The following HSPA12A variants were observed in gnomAD, a reference collection of about 807,000 sequenced individuals.
HSPA12A encodes heat shock 70 kDa protein 12A.
HSPA12A carries 28 observed loss-of-function variants against 69.2 expected under a neutral mutation model. That is an observed-to-expected ratio of 0.40 (90% CI 0.30 to 0.55). The LOEUF is 0.55. Among genes scored for constraint, HSPA12A ranks in the 20% least tolerant of loss-of-function variants. HSPA12A has a pLI of 0.38. For synonymous variants in HSPA12A, 345 were observed against 370.5 expected (o/e 0.93, Z 0.79); for missense variants, 686 against 900.7 (o/e 0.76, Z 3.05).
chr10:116,804,042 C>A (rs1589716365), intron 2 of HSPA12A, among the ~76,000 whole-genome samples: 2 of 152,142 alleles, frequency 1.3e-5, no homozygotes, highest in Admixed American at 1.3e-4. Flanking sequence ...TCACAAATCA[C>A]GCACTGTCTT....
chr10:116,813,943 A>C (rs909126430), intron 2 of HSPA12A, among the ~76,000 whole-genome samples: 1 of 152,194 alleles, frequency 6.6e-6, no homozygotes, highest in Non-Finnish European at 1.5e-5. Context: ...ACAGACAAAC[A>C]GAACCAAATG....
At chr10:116,780,175 C>T (rs1442720752) in intron 2 of HSPA12A, among the ~76,000 whole-genome samples, 6 of 152,190 alleles carry the variant, frequency 3.9e-5, no homozygotes, top group Non-Finnish European at 8.8e-5. Context: ...CTCCATCCTC[C>T]ACCATACCTG....
At chr10:116,746,066 C>T (rs961373089), upstream of HSPA12A, among the ~76,000 whole-genome samples, 12 of 152,014 alleles carry the variant, frequency 7.9e-5, no homozygotes, top group South Asian at 2.1e-4. Flanking sequence ...TGGTGCCTGG[C>T]GCAGAGAGCA....
At chr10:116,706,085 C>T (rs1850239888) in intron 2 of HSPA12A, among the ~76,000 whole-genome samples, 1 of 151,876 alleles carries the variant, frequency 6.6e-6, no homozygotes, top group Non-Finnish European at 1.5e-5. Flanking sequence ...TTAGTAGAGA[C>T]TGGGTTTCAC....
upstream of HSPA12A, chr10:116,742,590 T>G: frequency 8.9e-7 from 1 of 1,119,754 alleles, no homozygotes; most frequent in Non-Finnish European, 1.1e-6. Flanking sequence ...GCGGGAGCGC[T>G]GCTCTGACGC....
At chr10:116,720,362 A>G (rs1312564496) in intron 1 of HSPA12A, among the ~76,000 whole-genome samples, 1 of 152,140 alleles carries the variant, frequency 6.6e-6, no homozygotes, top group Non-Finnish European at 1.5e-5. Context: ...AGACTCTCCA[A>G]CTGGGGCTGG....
chr10:116,685,653 AAG>A (rs1297623463), intron 6 of HSPA12A, among the ~76,000 whole-genome samples: 10 of 151,856 alleles, frequency 6.6e-5, no homozygotes, highest in Non-Finnish European at 1.0e-4. Flanking sequence ...AAAAAAAAAA[AAG>A]AATGCAAAGG....
intron 10 of HSPA12A, 91 bp from the exon 11 acceptor site, chr10:116,676,593 C>G: frequency 9.9e-7 from 1 of 1,013,612 alleles, no homozygotes; most frequent in South Asian, 1.4e-5. Context: ...GGCAGAACAT[C>G]TGTCACTTCT....
intron 2 of HSPA12A, among the ~76,000 whole-genome samples, chr10:116,801,494 T>C (rs758892270): frequency 3.9e-5 from 6 of 152,108 alleles, no homozygotes; most frequent in East Asian, 1.9e-4. Context: ...CACAGGGAAG[T>C]TGGAGAAAGG....
intron 2 of HSPA12A, among the ~76,000 whole-genome samples, chr10:116,775,784 C>T (rs902162805): frequency 1.4e-4 from 22 of 152,274 alleles, no homozygotes; most frequent in African/African-American, 3.1e-4. Flanking sequence ...AACTCCTCCC[C>T]GAGACAGTGA....
intron 1 of HSPA12A, among the ~76,000 whole-genome samples, chr10:116,838,406 G>A (rs962441077): frequency 3.3e-5 from 5 of 151,804 alleles, no homozygotes; most frequent in Admixed American, 6.6e-5. Flanking sequence ...TTTTAACACC[G>A]TTTCACCATA....
chr10:116,773,755 T>C (rs1445901646), intron 2 of HSPA12A, among the ~76,000 whole-genome samples: 1 of 152,202 alleles, frequency 6.6e-6, no homozygotes, highest in Non-Finnish European at 1.5e-5. Flanking sequence ...TCCCTGGTCC[T>C]GGGCAGGGGC....
chr10:116,738,348 A>G lies in HSPA12A; in HGVS notation c.40+4082T>C, dbSNP rs900520575. 2.6e-5 allele frequency among the ~76,000 whole-genome samples: 4 copies of G among 152,204 alleles called. No individual in the cohort carries two copies. In the East Asian group the frequency reaches 7.7e-4, roughly 29 times the overall value. ...ACTGACACTCAACAAAAAGTAAGAC[A>G]TTTATTGAACACCTACTAGTGTCCT... On this transcript the variant is annotated intron_variant, in intron 1 of 11. Transcript: ENST00000369209.
At chr10:116,741,901 C>T (rs533195365) in intron 1 of HSPA12A, among the ~76,000 whole-genome samples, 2 of 152,204 alleles carry the variant, frequency 1.3e-5, no homozygotes, top group Admixed American at 1.3e-4. Flanking sequence ...AGCCCCCACT[C>T]CTGGCTCGAG....
At chr10:116,767,156 C>T (rs1844097911) in intron 2 of HSPA12A, among the ~76,000 whole-genome samples, 1 of 152,146 alleles carries the variant, frequency 6.6e-6, no homozygotes. Flanking sequence ...ACAGTGTCTC[C>T]TCTCCTCATT....
intron 1 of HSPA12A, among the ~76,000 whole-genome samples, chr10:116,722,483 T>C (rs1850812071): frequency 1.3e-5 from 2 of 152,130 alleles, no homozygotes; most frequent in South Asian, 4.1e-4. Flanking sequence ...ACTGAGGACA[T>C]TCTGGGTTAA....
chr10:116,841,797 T>A (rs1184070786), intron 1 of HSPA12A, among the ~76,000 whole-genome samples: 2 of 152,008 alleles, frequency 1.3e-5, no homozygotes, highest in Admixed American at 1.3e-4. Flanking sequence ...CTTTTTTTTT[T>A]AATACTCAAA....
chr10:116,715,876 G>T (rs1026548651), intron 1 of HSPA12A, among the ~76,000 whole-genome samples: 4 of 152,228 alleles, frequency 2.6e-5, no homozygotes, highest in Admixed American at 2.0e-4. Context: ...TTTTGGACCT[G>T]GGTCTCAGGG....
intron 2 of HSPA12A, among the ~76,000 whole-genome samples, chr10:116,749,319 A>G (rs1554888083): frequency 6.6e-6 from 1 of 152,198 alleles, no homozygotes; most frequent in African/African-American, 2.4e-5. Flanking sequence ...AGCACCTGCT[A>G]TGTGCTGGGC....
Sources: allele counts gnomAD v4.1 joint callset (sites outside exome capture counted in the v4.1 genomes callset), GRCh38; gene constraint gnomAD v4.1.1; transcripts MANE v1.5; gene names NCBI Gene and HGNC (gene_info 2026-07-23, HGNC 2026-07-21).